HPSE2: variants seen among roughly 807,000 people sequenced by gnomAD.
HPSE2 encodes the protein inactive heparanase-2.
In HPSE2, 38 loss-of-function variants were observed where a neutral mutation model predicts 60.5. The ratio of observed to expected loss-of-function variants is 0.63; its 90% CI spans 0.48 to 0.82. The LOEUF (loss-of-function observed/expected upper bound fraction) is 0.82, where lower values mean the gene tolerates loss of function less well. HPSE2 is among the 40% of genes least tolerant of loss of function. The pLI is 0.00. For missense variants in HPSE2, 713 were observed against 740.4 expected, an observed-to-expected ratio of 0.96 and a Z score of 0.43; for synonymous variants, 295 against 293.2, an observed-to-expected ratio of 1.01 and a Z score of -0.06.
intron 3 of HPSE2, among the ~76,000 whole-genome samples, chr10:99,031,495 C>A (rs1194317093): frequency 6.6e-6 from 1 of 152,148 alleles, no homozygotes; most frequent in Non-Finnish European, 1.5e-5. Context: ...TAATACACAG[C>A]ACAGTCCTCT....
At chr10:98,874,959 C>G (rs533468591) in intron 3 of HPSE2, among the ~76,000 whole-genome samples, 2 of 152,168 alleles carry the variant, frequency 1.3e-5, no homozygotes, top group African/African-American at 4.8e-5. Flanking sequence ...AAGGATGAAG[C>G]TGACTTGATC....
chr10:98,542,759 G>A (rs1427844031), intron 9 of HPSE2, among the ~76,000 whole-genome samples: 11 of 151,212 alleles, frequency 7.3e-5, no homozygotes, highest in Middle Eastern at 6.8e-3. Context: ...GAAATGAAGC[G>A]AGAAGGGAAG....
chr10:98,909,420 G>A (rs1260533071), intron 3 of HPSE2, among the ~76,000 whole-genome samples: 1 of 150,996 alleles, frequency 6.6e-6, no homozygotes, highest in Non-Finnish European at 1.5e-5. Context: ...CCAGAGGTCA[G>A]GAGTTCAAGA....
In HPSE2 at chr10:98,600,867, G is replaced by GTA. The variant is rs1199889250; in HGVS notation, c.1320+14035_1320+14036dup. Among the ~76,000 whole-genome samples, 451 of 79,254 alleles carry GTA rather than the reference G, an allele frequency of 5.7e-3. 5 individuals are homozygous for GTA. Among genetic ancestry groups the GTA allele is most frequent in the African/African-American group, 0.015 (437 of 28,362 alleles). 52.0% of individuals were successfully genotyped at this position (79,254 alleles called of 152,430 possible). A position where few individuals can be genotyped will look rare whatever the true frequency, so the allele number is the denominator to read the frequency against. On this transcript the variant is annotated intron_variant, in intron 9 of 11. Coordinates refer to ENST00000370552, the MANE Select transcript of HPSE2 (RefSeq NM_021828.5). ...ATACACACACATATTATATATATAC[G>GTA]TATATATGTATATATACATATATAC...
chr10:98,840,966 A>C (rs1489545284), intron 3 of HPSE2, among the ~76,000 whole-genome samples: 1 of 152,202 alleles, frequency 6.6e-6, no homozygotes, highest in Non-Finnish European at 1.5e-5. Context: ...ATGAACTTAA[A>C]ACTCGACAGA....
At chr10:99,002,742 A>C (rs1469973438) in intron 3 of HPSE2, among the ~76,000 whole-genome samples, 1 of 152,108 alleles carries the variant, frequency 6.6e-6, no homozygotes, top group Non-Finnish European at 1.5e-5. Flanking sequence ...ATTTTTTCAG[A>C]TCAAAAAGTA....
intron 3 of HPSE2, among the ~76,000 whole-genome samples, chr10:98,942,393 A>G (rs1033671817): frequency 3.4e-5 from 5 of 148,400 alleles, no homozygotes; most frequent in Non-Finnish European, 7.4e-5. Context: ...AGAAAAAAAC[A>G]AACAACCCCA....
In HPSE2 at chr10:98,673,236, G is replaced by A. The variant is rs985215521; in HGVS notation, c.1004+20664C>T. On this transcript the variant is annotated intron_variant, in intron 6 of 11. Transcript: ENST00000370552. ...ATTGAGATAATACAGCTCTCAAAGG[G>A]ATCAAATGACACTAGAGACAAATGT... Among the ~76,000 whole-genome samples the A allele has an allele frequency of 3.9e-5, 6 of 152,246 alleles. No homozygotes were observed. In the South Asian group the frequency reaches 6.2e-4, roughly 16 times the overall value.
intron 3 of HPSE2, among the ~76,000 whole-genome samples, chr10:98,805,182 C>T (rs906017476): frequency 1.3e-5 from 2 of 151,990 alleles, no homozygotes; most frequent in African/African-American, 4.8e-5. Context: ...TATGATTAAC[C>T]CATTTATGCC....
At chr10:99,295,246 T>C in the HPSE2 span, among the ~76,000 whole-genome samples, 1 of 152,174 alleles carries the variant, frequency 6.6e-6, no homozygotes, top group Non-Finnish European at 1.5e-5. Context: ...GAAATTGACG[T>C]ACCCAAATTA....
At chr10:98,551,379 T>C (rs956610410) in intron 9 of HPSE2, among the ~76,000 whole-genome samples, 2 of 151,784 alleles carry the variant, frequency 1.3e-5, no homozygotes, top group Admixed American at 1.3e-4. Context: ...TGCTTTTGCC[T>C]GCCTGTCATC....
chr10:98,467,681 C>T (rs1483233529), intron 11 of HPSE2, among the ~76,000 whole-genome samples: 24 of 152,152 alleles, frequency 1.6e-4, no homozygotes, highest in Non-Finnish European at 1.0e-4. Flanking sequence ...ACCCAGGAAG[C>T]CGGAATGCGT....
intron 3 of HPSE2, among the ~76,000 whole-genome samples, chr10:98,942,421 G>A (rs1955038085): frequency 6.7e-6 from 1 of 149,206 alleles, no homozygotes; most frequent in Admixed American, 6.7e-5. Flanking sequence ...GTGGGCAAAG[G>A]ACATGAACAG....
chr10:98,837,035 ACT>A (rs1046902790), intron 3 of HPSE2, among the ~76,000 whole-genome samples: 1 of 152,136 alleles, frequency 6.6e-6, no homozygotes, highest in Non-Finnish European at 1.5e-5. Context: ...ACAGAGCGAG[ACT>A]CTGTCTCAAA....
At chr10:99,233,457 G>A (rs1849736703) in intron 1 of HPSE2, among the ~76,000 whole-genome samples, 1 of 152,170 alleles carries the variant, frequency 6.6e-6, no homozygotes, top group African/African-American at 2.4e-5. Context: ...TTTAAGGTCA[G>A]GATTTCCATC....
At chr10:99,307,237 G>A in the HPSE2 span, among the ~76,000 whole-genome samples, 32 of 152,258 alleles carry the variant, frequency 2.1e-4, no homozygotes, top group African/African-American at 6.5e-4. Flanking sequence ...AGGAGTATTG[G>A]AGTGGATCCC....
chr10:99,297,716 C>T, the HPSE2 span, among the ~76,000 whole-genome samples: 1 of 152,130 alleles, frequency 6.6e-6, no homozygotes, highest in Admixed American at 6.5e-5. Flanking sequence ...GTGACCCCAA[C>T]TTGGTCTTGG....
chr10:99,204,941 C>T (rs1848694440), intron 2 of HPSE2, among the ~76,000 whole-genome samples: 1 of 152,144 alleles, frequency 6.6e-6, no homozygotes, highest in South Asian at 2.1e-4. Flanking sequence ...AAATGTCCTT[C>T]ACAACAACAT....
At chr10:98,877,427 AT>A (rs1467929824) in intron 3 of HPSE2, among the ~76,000 whole-genome samples, 3 of 151,884 alleles carry the variant, frequency 2.0e-5, no homozygotes, top group Non-Finnish European at 2.9e-5. Flanking sequence ...CTGTGTTCAA[AT>A]CCTAGCTCCA....
Sources: allele counts gnomAD v4.1 joint callset (sites outside exome capture counted in the v4.1 genomes callset), GRCh38; gene constraint gnomAD v4.1.1; transcripts MANE v1.5; gene names NCBI Gene and HGNC (gene_info 2026-07-23, HGNC 2026-07-21).